The following PCDHGB3 variants were observed in gnomAD, a reference collection of about 807,000 sequenced individuals.
PCDHGB3 encodes the protein protocadherin gamma-B3.
In PCDHGB3, 40 loss-of-function variants were observed where a neutral mutation model predicts 59.2. That is an observed-to-expected ratio of 0.68 (90% confidence interval 0.52 to 0.88). PCDHGB3 has a LOEUF of 0.88. PCDHGB3 is among the 40% of genes least tolerant of loss of function. PCDHGB3 has a pLI of 0.00. For synonymous variants in PCDHGB3, 581 were observed against 503.6 expected, an observed-to-expected ratio of 1.15 and a Z score of -2.06; for missense variants, 1,309 against 1,187.9, an observed-to-expected ratio of 1.10 and a Z score of -1.50.
At chr5:141,405,047 G>A in intron 1 of PCDHGB3, 4 of 1,613,944 alleles carry the variant, frequency 2.5e-6, no homozygotes, top group Non-Finnish European at 2.5e-6. Context: ...GGCTGTGGCA[G>A]TCGTCTCCTG....
At chr5:141,390,526 T>A (rs1405081511) in intron 1 of PCDHGB3, 1 of 548,156 alleles carries the variant, frequency 1.8e-6, no homozygotes, top group African/African-American at 1.9e-5. Flanking sequence ...AATGAGGGTG[T>A]GGTTTTAACC....
intron 1 of PCDHGB3, among the ~76,000 whole-genome samples, chr5:141,381,823 C>CA (rs1777504204): frequency 2.0e-5 from 2 of 101,610 alleles, no homozygotes; most frequent in African/African-American, 8.6e-5. Flanking sequence ...TTTCTTTCTT[C>CA]TTCTTTTTTT....
At chr5:141,427,700 C>A in intron 1 of PCDHGB3, 3 of 945,490 alleles carry the variant, frequency 3.2e-6, no homozygotes, top group South Asian at 2.7e-5. Flanking sequence ...TCCCACAAGT[C>A]AGCGCCTCTG....
At chr5:141,427,087 A>G (rs1338132084) in intron 1 of PCDHGB3, 1 of 458,198 alleles carries the variant, frequency 2.2e-6, no homozygotes, top group Non-Finnish European at 4.4e-6. Flanking sequence ...ACTGACCAGG[A>G]TGAGGGTGTC....
intron 1 of PCDHGB3, among the ~76,000 whole-genome samples, chr5:141,455,253 C>T (rs187877877): frequency 6.6e-6 from 1 of 151,986 alleles, no homozygotes; most frequent in East Asian, 1.9e-4. Flanking sequence ...ATAGTACAAT[C>T]GCATTTCTTC....
In PCDHGB3 at chr5:141,388,127, C is replaced by T. The variant is rs760517049; in HGVS notation, c.2415+15318C>T. 21 of 1,427,554 alleles carry T rather than the reference C, an allele frequency of 1.5e-5. No homozygotes were observed. The African/African-American group carries it at 2.9e-4, about 20-fold the overall frequency. The allele number at this position is 1,427,554 out of a possible 1,614,324, so 88.4% of individuals were successfully genotyped here. On this transcript the variant is annotated intron_variant, in intron 1 of 3. Coordinates refer to ENST00000576222, the MANE Select transcript of PCDHGB3 (RefSeq NM_018924.5). ...CTTACTTCACCGTGAGCGCAGAGAG[C>T]GGGGAGTTGCTTGTGAGCAGCAGGC...
At chr5:141,383,367 G>C in intron 1 of PCDHGB3, 2 of 1,614,030 alleles carry the variant, frequency 1.2e-6, no homozygotes, top group Non-Finnish European at 1.7e-6. Context: ...CGTTAAGCGA[G>C]GCTGGGGATC....
At chr5:141,500,278 G>A (rs1338703900) in intron 2 of PCDHGB3, among the ~76,000 whole-genome samples, 2 of 150,508 alleles carry the variant, frequency 1.3e-5, no homozygotes, top group East Asian at 2.0e-4. Context: ...GCGCAATCTC[G>A]GCTCACTGCA....
intron 1 of PCDHGB3, chr5:141,399,630 G>A: frequency 1.9e-6 from 3 of 1,613,874 alleles, no homozygotes; most frequent in Non-Finnish European, 1.7e-6. Flanking sequence ...CCTCTTACGT[G>A]TCCATGAGCG....
chr5:141,409,018 G>T lies in PCDHGB3; in HGVS notation c.2415+36209G>T, dbSNP rs369210340. The T allele has an allele frequency of 4.0e-5, 64 of 1,613,814 alleles. No individual in the cohort carries two copies. The Admixed American group carries it at 1.1e-3, about 27-fold the overall frequency. ...TGACAGCCACTGACCAGGATGAGGG[G>T]GTCAATGCTGAGATAAACTACTACT... On this transcript the variant is annotated intron_variant, in intron 1 of 3. Transcript: ENST00000576222.
chr5:141,483,501 G>T (rs1022338958), intron 1 of PCDHGB3, among the ~76,000 whole-genome samples: 1 of 150,394 alleles, frequency 6.6e-6, no homozygotes, highest in Non-Finnish European at 1.5e-5. Flanking sequence ...ATGAGTCAAG[G>T]CTGATCCCCC....
rs747722740 is a variant in PCDHGB3, at chr5:141,485,835, C to G, written c.2416-8972C>G. 3 of 1,614,190 alleles carry G rather than the reference C, an allele frequency of 1.9e-6. No homozygotes were observed. In the South Asian group the frequency reaches 3.3e-5, roughly 18 times the overall value. On this transcript the variant is annotated intron_variant, in intron 1 of 3. Transcript: ENST00000576222. This position sits in a 1 kb window ranked among gnomAD's most constrained non-coding sequence, Gnocchi z 5.7. ...ACTGCTGTCGATGGAGGGAACCCGC[C>G]GAGATCTGGCACCGCAGAGCTCCGG...
chr5:141,472,980 C>CAAAAAAAAAAAAAAAAAAGAAAAAAAA (rs60579131), intron 1 of PCDHGB3, among the ~76,000 whole-genome samples: 1 of 86,106 alleles, frequency 1.2e-5, no homozygotes, highest in Non-Finnish European at 2.5e-5. Flanking sequence ...GAGTGAAACT[C>CAAAAAAAAAAAAAAAAAAGAAAAAAAA]AAAAAAAAAA....
intron 1 of PCDHGB3, chr5:141,420,146 C>G (rs372634787): frequency 1.9e-6 from 3 of 1,613,962 alleles, no homozygotes; most frequent in Non-Finnish European, 2.5e-6. Flanking sequence ...TCAAATGAAT[C>G]CAGAATTTAA....
intron 1 of PCDHGB3, among the ~76,000 whole-genome samples, chr5:141,380,385 A>G (rs543895642): frequency 3.0e-4 from 46 of 152,380 alleles, no homozygotes; most frequent in Non-Finnish European, 8.8e-5. Context: ...AAAAAAGAAA[A>G]GAGAGAAGAT....
At chr5:141,428,275 G>C in intron 1 of PCDHGB3, 1 of 767,218 alleles carries the variant, frequency 1.3e-6, no homozygotes, top group Non-Finnish European at 2.2e-6. Context: ...TGTGCCCTCT[G>C]ATTCCCAAGC....
At chr5:141,435,421 C>T (rs1384040447) in intron 1 of PCDHGB3, among the ~76,000 whole-genome samples, 2 of 152,096 alleles carry the variant, frequency 1.3e-5, no homozygotes, top group Non-Finnish European at 2.9e-5. Context: ...CTATTTTTCA[C>T]TTCTGTTATG....
At chr5:141,457,062 T>C (rs1168687034) in intron 1 of PCDHGB3, among the ~76,000 whole-genome samples, 1 of 152,232 alleles carries the variant, frequency 6.6e-6, no homozygotes, top group Non-Finnish European at 1.5e-5. Context: ...GCTTCCTTTT[T>C]GCCAGTAACT....
At chr5:141,385,118 T>C in intron 1 of PCDHGB3, 1 of 1,614,216 alleles carries the variant, frequency 6.2e-7, no homozygotes. Context: ...ACCTCGCACT[T>C]TGTGGGCATG....
Sources: allele counts gnomAD v4.1 joint callset (sites outside exome capture counted in the v4.1 genomes callset), GRCh38; gene constraint gnomAD v4.1.1; non-coding constraint Gnocchi (gnomAD v3.1); transcripts MANE v1.5; gene names NCBI Gene and HGNC (gene_info 2026-07-23, HGNC 2026-07-21).